RACGAP1: variants seen among roughly 807,000 people sequenced by gnomAD.
The protein encoded by RACGAP1 is rac GTPase-activating protein 1.
In RACGAP1, 30 loss-of-function variants were observed where a neutral mutation model predicts 78.1. The ratio of observed to expected loss-of-function variants is 0.38; its 90% confidence interval spans 0.29 to 0.52. The LOEUF (loss-of-function observed/expected upper bound fraction) is 0.52, where lower values mean the gene tolerates loss of function less well. Among genes scored for constraint, RACGAP1 ranks in the 20% least tolerant of loss-of-function variants. The pLI, the probability that RACGAP1 is intolerant of heterozygous loss-of-function variation, is 0.82. For missense variants in RACGAP1, 587 were observed against 777.1 expected (o/e 0.76, Z 2.91); for synonymous variants, 231 against 264.8 (o/e 0.87, Z 1.24).
chr12:49,991,490 T>A lies in RACGAP1; in HGVS notation c.1714+508A>T, dbSNP rs1254058559. On this transcript the variant is annotated intron_variant, in intron 15 of 16. Coordinates refer to ENST00000312377, the MANE Select transcript of RACGAP1 (RefSeq NM_001319999.2). ...ATATATATATATATATTTTTTTTTTTTTTTTTTTTTTTTTTTTAGACAGAG... is the reference window on the plus strand; with the variant it reads ...ATATATATATATATATTTTTTTTTTATTTTTTTTTTTTTTTTTAGACAGAG... 5.2e-3 allele frequency among the ~76,000 whole-genome samples: 494 copies of A among 94,916 alleles called. 21 individuals are homozygous for A. Among genetic ancestry groups the A allele is most frequent in the Admixed American group, 0.034 (288 of 8,508 alleles). 62.3% of individuals were successfully genotyped at this position (94,916 alleles called of 152,430 possible). A position where few individuals can be genotyped will look rare whatever the true frequency, so the allele number is the denominator to read the frequency against.
At chr12:50,000,671 CAAGCAACT>C (rs2137365472) in intron 7 of RACGAP1, among the ~76,000 whole-genome samples, 1 of 152,278 alleles carries the variant, frequency 6.6e-6, no homozygotes, top group South Asian at 2.1e-4. Context: ...GGTATATATT[CAAGCAACT>C]AAGACTCACT....
At position 50,011,941 on chromosome 12, in the gene RACGAP1, G is replaced by A. The variant is rs552494013; in HGVS notation, c.85+4690C>T. The stretch of plus-strand genomic sequence containing the variant: ...TGTACTCCAGCCTGGGCGACAGAGC[G>A]AGACTCCGTCTCAAAAAAAAAAAAA... On this transcript the variant is annotated intron_variant, in intron 2 of 16. Transcript: ENST00000312377. 4.5e-3 allele frequency among the ~76,000 whole-genome samples: 598 copies of A among 132,246 alleles called. 3 individuals are homozygous for A. Among genetic ancestry groups the A allele is most frequent in the Middle Eastern group, 0.036 (7 of 196 alleles). The allele number at this position is 132,246 out of a possible 152,430, so 86.8% of individuals were successfully genotyped here. A position where few individuals can be genotyped will look rare whatever the true frequency, so the allele number is the denominator to read the frequency against.
chr12:50,017,483 G>C (rs529998017), intron 1 of RACGAP1, among the ~76,000 whole-genome samples: 11 of 152,244 alleles, frequency 7.2e-5, no homozygotes, highest in South Asian at 4.1e-4. Flanking sequence ...CCCCTCAAAG[G>C]CCTGCTGATA....
At chr12:49,997,353 C>A in intron 9 of RACGAP1, 149 bp from the exon 10 acceptor site, 5 of 1,243,440 alleles carry the variant, frequency 4.0e-6, no homozygotes, top group East Asian at 6.4e-5. Context: ...CAGCTCACTG[C>A]AACCTCTGCC....
At chr12:50,024,654 C>A (rs751310050) in intron 1 of RACGAP1, among the ~76,000 whole-genome samples, 2 of 152,030 alleles carry the variant, frequency 1.3e-5, no homozygotes, top group Middle Eastern at 3.2e-3. Flanking sequence ...CCTAAATATA[C>A]AAAAATTTTT....
At chr12:49,995,296 C>T (rs765123678) in intron 10 of RACGAP1, among the ~76,000 whole-genome samples, 2 of 151,924 alleles carry the variant, frequency 1.3e-5, no homozygotes, top group Admixed American at 6.6e-5. Context: ...TGTGGTGAGT[C>T]GAGATTGCGC....
chr12:49,996,964 G>T, intron 10 of RACGAP1, 76 bp downstream of exon 10: 1 of 1,384,214 alleles, frequency 7.2e-7, no homozygotes, highest in South Asian at 2.0e-5. Flanking sequence ...ATTAATTTTA[G>T]AACAAAAACT....
chr12:50,032,199 G>C (rs537339710), intron 1 of RACGAP1, among the ~76,000 whole-genome samples: 1 of 152,128 alleles, frequency 6.6e-6, no homozygotes, highest in East Asian at 1.9e-4. Flanking sequence ...TTGTCGAGAG[G>C]AATAAATGAG....
chr12:50,010,308 CTTT>C (rs969278124), intron 2 of RACGAP1, among the ~76,000 whole-genome samples: 1 of 146,166 alleles, frequency 6.8e-6, no homozygotes, highest in Non-Finnish European at 1.5e-5. Flanking sequence ...ACTTAGCTCT[CTTT>C]TTTTAACTTT....
At chr12:49,991,866 C>A in intron 15 of RACGAP1, 132 bp downstream of exon 15, 5 of 1,511,714 alleles carry the variant, frequency 3.3e-6, no homozygotes, top group Non-Finnish European at 4.4e-6. Context: ...AAAAAAATTA[C>A]GATGGTAGAA....
At chr12:49,990,549 T>G in intron 16 of RACGAP1, 135 bp downstream of exon 16, 1 of 805,694 alleles carries the variant, frequency 1.2e-6, no homozygotes, top group South Asian at 1.8e-5. Flanking sequence ...GGAATCCTTA[T>G]AGCCCCACGT....
upstream of RACGAP1, chr12:50,025,606 T>C (rs902434619): frequency 2.1e-6 from 2 of 950,816 alleles, no homozygotes; most frequent in African/African-American, 3.5e-5. Context: ...GCATGCGCAT[T>C]CTGACAAAGC....
At chr12:50,030,780 TTG>T (rs113580644) in intron 2 of RACGAP1, among the ~76,000 whole-genome samples, 8 of 150,696 alleles carry the variant, frequency 5.3e-5, no homozygotes, top group African/African-American at 1.5e-4. Flanking sequence ...TTTATGTCTT[TTG>T]TGTGTGTGTG....
At chr12:50,017,308 C>T (rs556974005) in intron 1 of RACGAP1, among the ~76,000 whole-genome samples, 3 of 152,292 alleles carry the variant, frequency 2.0e-5, no homozygotes, top group South Asian at 4.1e-4. Flanking sequence ...TGCTGGGCTG[C>T]GTGCAGGAAC....
chr12:50,027,686 C>A (rs1006224790), upstream of RACGAP1, among the ~76,000 whole-genome samples: 2 of 152,044 alleles, frequency 1.3e-5, no homozygotes, highest in African/African-American at 4.8e-5. Flanking sequence ...ATTAGCCAGG[C>A]GTGGTGGCAG....
At chr12:49,997,387 G>A (rs546425851) in intron 9 of RACGAP1, among the ~76,000 whole-genome samples, 183 bp from the exon 10 acceptor site, 298 of 149,294 alleles carry the variant, frequency 2.0e-3, no homozygotes, top group African/African-American at 7.1e-3. Context: ...CGATTCTCCT[G>A]TCTCAGCCTC....
At chr12:49,991,637 C>G (rs554158283) in intron 15 of RACGAP1, among the ~76,000 whole-genome samples, 17 of 149,932 alleles carry the variant, frequency 1.1e-4, no homozygotes, top group African/African-American at 3.9e-4. Context: ...TACAGGCATG[C>G]GCCACCACAC....
chr12:49,990,611 A>G (rs1343447602), intron 16 of RACGAP1, 73 bp downstream of exon 16: 7 of 1,258,866 alleles, frequency 5.6e-6, no homozygotes, highest in South Asian at 5.2e-5. Context: ...TTTTCTTTCA[A>G]TAAGCTTCAA....
intron 2 of RACGAP1, 34 bp downstream of exon 2, chr12:50,016,597 T>C (rs1565698206): frequency 1.3e-6 from 2 of 1,585,488 alleles, no homozygotes; most frequent in Non-Finnish European, 1.7e-6. Flanking sequence ...GAAATCTGTT[T>C]TTCCTTTGGA....
Sources: allele counts gnomAD v4.1 joint callset (sites outside exome capture counted in the v4.1 genomes callset), GRCh38; gene constraint gnomAD v4.1.1; transcripts MANE v1.5; gene names NCBI Gene and HGNC (gene_info 2026-07-23, HGNC 2026-07-21).